RASGRP3: variants seen among roughly 807,000 people sequenced by gnomAD.
RASGRP3 encodes RAS guanyl releasing protein 3, also known as ras guanyl-releasing protein 3.
RASGRP3 carries 54 observed loss-of-function variants against 82.7 expected under a neutral mutation model. The ratio of observed to expected loss-of-function variants is 0.65; its 90% CI spans 0.52 to 0.82. The LOEUF (loss-of-function observed/expected upper bound fraction) is 0.82, where lower values mean the gene tolerates loss of function less well. Among genes scored for constraint, RASGRP3 ranks in the 40% least tolerant of loss-of-function variants. The pLI is 0.00. For synonymous variants in RASGRP3, 309 were observed against 300.5 expected, an observed-to-expected ratio of 1.03 and a Z score of -0.29; for missense variants, 861 against 828.9, an observed-to-expected ratio of 1.04 and a Z score of -0.48.
chr2:33,521,126 T>C (rs1281472597), intron 6 of RASGRP3, among the ~76,000 whole-genome samples: 2 of 152,176 alleles, frequency 1.3e-5, no homozygotes, highest in Admixed American at 1.3e-4. Flanking sequence ...GAATCTGCAC[T>C]TTAAAGATCC....
At chr2:33,464,498 G>T (rs1666573663) in intron 2 of RASGRP3, among the ~76,000 whole-genome samples, 1 of 150,742 alleles carries the variant, frequency 6.6e-6, no homozygotes, top group Non-Finnish European at 1.5e-5. Context: ...AAAAAAGATA[G>T]GGTCTTGCTC....
chr2:33,506,811 G>A (rs1479865645), intron 1 of RASGRP3, among the ~76,000 whole-genome samples: 1 of 152,134 alleles, frequency 6.6e-6, no homozygotes, highest in South Asian at 2.1e-4. Context: ...ATAAATATGG[G>A]GGATTTTAGT....
chr2:33,524,711 C>A (rs1198831633), intron 9 of RASGRP3, among the ~76,000 whole-genome samples, 163 bp downstream of exon 9: 2 of 152,162 alleles, frequency 1.3e-5, no homozygotes, highest in Non-Finnish European at 2.9e-5. Flanking sequence ...ACCACACCAG[C>A]TGAGTCCACC....
chr2:33,561,985 A>G (rs1676711058), intron 17 of RASGRP3, among the ~76,000 whole-genome samples: 1 of 152,206 alleles, frequency 6.6e-6, no homozygotes, highest in Admixed American at 6.5e-5. Flanking sequence ...TTATCATAAA[A>G]GGGTTGGGAA....
At chr2:33,510,981 T>C (rs1030004214) in intron 1 of RASGRP3, among the ~76,000 whole-genome samples, 6 of 152,180 alleles carry the variant, frequency 3.9e-5, no homozygotes, top group Non-Finnish European at 8.8e-5. Context: ...TTTTTGACAA[T>C]AGAGGCTTCA....
intron 1 of RASGRP3, among the ~76,000 whole-genome samples, chr2:33,480,660 T>C (rs1291275598): frequency 6.6e-6 from 1 of 152,218 alleles, no homozygotes; most frequent in Non-Finnish European, 1.5e-5. Context: ...ATACAATGCC[T>C]ATTTTGTTTC....
intron 2 of RASGRP3, among the ~76,000 whole-genome samples, chr2:33,467,980 T>TTC (rs1162579836): frequency 2.6e-5 from 3 of 116,300 alleles, no homozygotes; most frequent in East Asian, 5.3e-4. Flanking sequence ...TGGTGAGGCT[T>TTC]TTTCTTTCTT....
intron 1 of RASGRP3, among the ~76,000 whole-genome samples, chr2:33,488,418 A>T (rs1321793429): frequency 6.6e-6 from 1 of 152,220 alleles, no homozygotes; most frequent in African/African-American, 2.4e-5. Context: ...ATGCTTTATT[A>T]GTAAAAAGGT....
chr2:33,549,434 A>C (rs543265088), intron 13 of RASGRP3, among the ~76,000 whole-genome samples, 170 bp from the exon 14 acceptor site: 9 of 152,166 alleles, frequency 5.9e-5, no homozygotes, highest in Non-Finnish European at 1.0e-4. Context: ...GGCTTTGAAC[A>C]CCTGAAGATG....
chr2:33,477,758 G>A (rs377214437), intron 1 of RASGRP3, among the ~76,000 whole-genome samples: 5 of 152,288 alleles, frequency 3.3e-5, no homozygotes, highest in East Asian at 1.9e-4. Context: ...AACTGATGAC[G>A]TAAAGCTCTG....
intron 1 of RASGRP3, among the ~76,000 whole-genome samples, chr2:33,483,726 T>C (rs1424698835): frequency 6.6e-6 from 1 of 152,148 alleles, no homozygotes; most frequent in Non-Finnish European, 1.5e-5. Context: ...TGACCTTAAG[T>C]GATCCGCCTG....
chr2:33,480,207 T>C (rs1386983584), intron 1 of RASGRP3, among the ~76,000 whole-genome samples: 1 of 152,042 alleles, frequency 6.6e-6, no homozygotes, highest in African/African-American at 2.4e-5. Context: ...CATGCCCGGC[T>C]AATTTTTTTG....
chr2:33,466,229 G>A (rs1368591813), intron 2 of RASGRP3, among the ~76,000 whole-genome samples: 1 of 152,206 alleles, frequency 6.6e-6, no homozygotes, highest in Admixed American at 6.5e-5. Context: ...ATTGAAAGGA[G>A]CAGAATAAAT....
intron 1 of RASGRP3, among the ~76,000 whole-genome samples, chr2:33,505,557 T>TC (rs1670292116): frequency 6.6e-6 from 1 of 152,080 alleles, no homozygotes; most frequent in East Asian, 1.9e-4. Flanking sequence ...CCACAGCCTC[T>TC]TAAAGTGCTG....
At chr2:33,449,204 T>C (rs910843172) in intron 2 of RASGRP3, among the ~76,000 whole-genome samples, 3 of 152,238 alleles carry the variant, frequency 2.0e-5, no homozygotes, top group African/African-American at 7.2e-5. Flanking sequence ...ATCAGGTGCA[T>C]GACACATACC....
At chr2:33,506,838 G>A (rs1670424872) in intron 1 of RASGRP3, among the ~76,000 whole-genome samples, 1 of 152,096 alleles carries the variant, frequency 6.6e-6, no homozygotes, top group South Asian at 2.1e-4. Context: ...GTCATCAGTT[G>A]TGGTCCATTT....
intron 1 of RASGRP3, among the ~76,000 whole-genome samples, chr2:33,478,740 CTG>C (rs751667853): frequency 6.6e-5 from 10 of 152,188 alleles, no homozygotes; most frequent in East Asian, 1.9e-4. Context: ...GATGAGGAAA[CTG>C]TAGCAAATTT....
chr2:33,521,305 T>C (rs1254758646), intron 6 of RASGRP3, among the ~76,000 whole-genome samples: 1 of 152,220 alleles, frequency 6.6e-6, no homozygotes, highest in African/African-American at 2.4e-5. Context: ...TAGGTAACTT[T>C]GCACAGGGAA....
chr2:33,552,956 C>T (rs1675514733), intron 14 of RASGRP3, among the ~76,000 whole-genome samples: 1 of 152,248 alleles, frequency 6.6e-6, no homozygotes, highest in African/African-American at 2.4e-5. Context: ...TACCCATCCA[C>T]ATGAGTTCAT....
Sources: allele counts gnomAD v4.1 joint callset (sites outside exome capture counted in the v4.1 genomes callset), GRCh38; gene constraint gnomAD v4.1.1; transcripts MANE v1.5; gene names NCBI Gene and HGNC (gene_info 2026-07-23, HGNC 2026-07-21).